The following SENP7 variants were observed in gnomAD, a reference collection of about 807,000 sequenced individuals.
SENP7 encodes sentrin-specific protease 7.
SENP7 carries 64 observed loss-of-function variants against 141.2 expected under a neutral mutation model. The observed-to-expected ratio is 0.45, with a 90% CI of 0.37 to 0.56. The LOEUF is 0.56. Among genes scored for constraint, SENP7 ranks in the 20% least tolerant of loss-of-function variants. The pLI, the probability that SENP7 is intolerant of heterozygous loss-of-function variation, is 0.00. For synonymous variants in SENP7, 382 were observed against 426.4 expected, an observed-to-expected ratio of 0.90 and a Z score of 1.28; for missense variants, 1,025 against 1,212.2, an observed-to-expected ratio of 0.85 and a Z score of 2.29.
chr3:101,347,968 T>G lies in SENP7; in HGVS notation c.1741A>C (p.Ser581Arg). 1.2e-6 allele frequency: 2 copies of G among 1,611,204 alleles called. No individual in the cohort carries two copies. Among genetic ancestry groups the G allele is most frequent in the Non-Finnish European group, 1.7e-6 (2 of 1,177,948 alleles). Residue 581 changes from serine to arginine, a missense_variant, in exon 13 of 24, where the codon AGT becomes CGT. Transcript: ENST00000394095. ...GLWKSKDDNH[S>R]KRSHAILFFW... ...AAAAGAATAGCATGACTCCTTTTAC[T>G]GTGATTATCATCCTTACTTTTCCAT...
At chr3:101,347,143 G>A (rs1417506774) in intron 13 of SENP7, among the ~76,000 whole-genome samples, 1 of 151,210 alleles carries the variant, frequency 6.6e-6, no homozygotes, top group Non-Finnish European at 1.5e-5. Context: ...GATCACATGA[G>A]CCCAGGAGTT....
chr3:101,503,566 A>G (rs1576548270), intron 1 of SENP7, among the ~76,000 whole-genome samples: 1 of 152,258 alleles, frequency 6.6e-6, no homozygotes. Context: ...GGCATGCTCA[A>G]AGGAAACCAG....
In SENP7 at chr3:101,358,020, T is replaced by C. The variant is rs760074576; in HGVS notation, c.1623+3695A>G. On this transcript the variant is annotated intron_variant, in intron 11 of 23. Coordinates refer to ENST00000394095, the MANE Select transcript of SENP7 (RefSeq NM_020654.5). ...ATTGGAGAGAAACCATACAAGTGTG[T>C]TAAATGTGGCAAAGCCTTCATTTCA... is the stretch of plus-strand genomic sequence containing the variant. 77 of 588,634 alleles carry C rather than the reference T, an allele frequency of 1.3e-4. 2 individuals carry two copies. The highest frequency in any genetic ancestry group is 2.0e-4 in the Non-Finnish European group (69 of 346,214). 36.5% of individuals were successfully genotyped at this position (588,634 alleles called of 1,614,324 possible).
At chr3:101,342,882 T>C (rs917099437) in intron 14 of SENP7, among the ~76,000 whole-genome samples, 2 of 152,116 alleles carry the variant, frequency 1.3e-5, no homozygotes, top group African/African-American at 4.8e-5. Context: ...GCCAAGATGG[T>C]CTCAATGTCT....
At chr3:101,447,854 G>C (rs1178715954) in intron 4 of SENP7, among the ~76,000 whole-genome samples, 11 of 151,836 alleles carry the variant, frequency 7.2e-5, no homozygotes, top group Admixed American at 7.2e-4. Context: ...AGTTGCAATA[G>C]CACATAGCAG....
At chr3:101,442,071 G>A (rs1379508421) in intron 4 of SENP7, among the ~76,000 whole-genome samples, 1 of 151,902 alleles carries the variant, frequency 6.6e-6, no homozygotes, top group African/African-American at 2.4e-5. Context: ...CCATAAAACT[G>A]AAAGAAACAA....
chr3:101,341,209 T>C (rs2059318028), intron 15 of SENP7, among the ~76,000 whole-genome samples: 2 of 152,160 alleles, frequency 1.3e-5, no homozygotes, highest in African/African-American at 2.4e-5. Flanking sequence ...CTTAGCACCA[T>C]GAGAAGACAT....
chr3:101,446,008 T>C (rs1005412025), intron 4 of SENP7, among the ~76,000 whole-genome samples: 1 of 152,172 alleles, frequency 6.6e-6, no homozygotes, highest in Admixed American at 6.5e-5. Context: ...CATATTGTAA[T>C]CCCCAATGTT....
intron 11 of SENP7, 25 bp from the exon 12 acceptor site, chr3:101,351,676 CAA>C (rs981485999): frequency 3.0e-6 from 4 of 1,323,630 alleles, no homozygotes; most frequent in Non-Finnish European, 3.9e-6. Context: ...AAAAAGCAAA[CAA>C]TGAGTTACCA....
At chr3:101,443,225 G>T (rs1420553687) in intron 4 of SENP7, among the ~76,000 whole-genome samples, 1 of 152,164 alleles carries the variant, frequency 6.6e-6, no homozygotes, top group African/African-American at 2.4e-5. Flanking sequence ...CCCATTGCTT[G>T]TTTTTGTTAG....
At position 101,360,729 on chromosome 3, in the gene SENP7, G is replaced by A. The variant is rs530127941; in HGVS notation, c.1623+986C>T. Among the ~76,000 whole-genome samples, 4 of 152,268 alleles carry A rather than the reference G, an allele frequency of 2.6e-5. No homozygotes were observed. The East Asian group carries it at 7.7e-4, about 29-fold the overall frequency. The stretch of plus-strand genomic sequence containing the variant: ...TGGAGAAGTTTATATAAGAATATAG[G>A]TAATTATAAAACACACAGAATAAAT... On this transcript the variant is annotated intron_variant, in intron 11 of 23. Transcript: ENST00000394095.
chr3:101,414,467 C>A (rs564543133), intron 5 of SENP7: 1 of 1,419,462 alleles, frequency 7.0e-7, no homozygotes, highest in Non-Finnish European at 9.9e-7. Flanking sequence ...CAGTGTACCA[C>A]GCAATGCAAC....
chr3:101,456,799 T>C (rs958173702), intron 4 of SENP7, among the ~76,000 whole-genome samples: 32 of 152,178 alleles, frequency 2.1e-4, no homozygotes, highest in African/African-American at 7.5e-4. Context: ...TTACTTTTAT[T>C]AGTTTTTTGT....
chr3:101,496,729 C>G (rs1418238682), intron 2 of SENP7, among the ~76,000 whole-genome samples: 1 of 152,116 alleles, frequency 6.6e-6, no homozygotes, highest in Non-Finnish European at 1.5e-5. Context: ...AAAAATGCAC[C>G]ACCATACCCA....
upstream of SENP7, chr3:101,513,212 G>GAAA (rs1254138448): frequency 6.9e-3 from 943 of 135,930 alleles, 252 homozygotes; most frequent in East Asian, 0.015. Context: ...GGAGGGGAAA[G>GAAA]GAAAAAAAAA....
At chr3:101,379,713 T>C (rs1301221556) in intron 6 of SENP7, among the ~76,000 whole-genome samples, 2 of 152,192 alleles carry the variant, frequency 1.3e-5, no homozygotes, top group South Asian at 2.1e-4. Context: ...GGAACCCTTG[T>C]GCACTGCTGG....
rs550348707 is a variant in SENP7 at position 101,390,252 on chromosome 3, G to C, written c.677+8609C>G. Among the ~76,000 whole-genome samples, 48 of 106,232 alleles carry C rather than the reference G, an allele frequency of 4.5e-4. No individual in the cohort carries two copies. The South Asian group carries it at 0.014, about 31-fold the overall frequency. 69.7% of individuals were successfully genotyped at this position (106,232 alleles called of 152,430 possible). ...AAAAAAAAAAAAAAAAACCCAGAAA[G>C]ACATGAACTGGCTGAATCCATTTTT... On this transcript the variant is annotated intron_variant, in intron 6 of 23. Coordinates refer to ENST00000394095, the MANE Select transcript of SENP7 (RefSeq NM_020654.5).
chr3:101,430,720 T>C lies in SENP7; in HGVS notation c.285-12930A>G, dbSNP rs546120203. On this transcript the variant is annotated intron_variant, in intron 4 of 23. Transcript: ENST00000394095. ...CTGCTCTGATCTATTTCTCGCCTTC[T>C]TCTAGCTTTTGAATTTGTTTGCTCT... is the stretch of plus-strand genomic sequence containing the variant. 2.0e-5 allele frequency among the ~76,000 whole-genome samples: 3 copies of C among 152,320 alleles called. No homozygotes were observed. The South Asian group carries it at 6.2e-4, about 32-fold the overall frequency.
intron 11 of SENP7, chr3:101,358,501 A>T (rs2059804565): frequency 6.7e-6 from 2 of 298,364 alleles, no homozygotes; most frequent in Non-Finnish European, 1.3e-5. Context: ...TGGAACATAA[A>T]CCCTACAAAT....
Sources: gnomAD v4.1 joint callset for allele counts (sites outside exome capture counted in the v4.1 genomes callset) on GRCh38, gnomAD v4.1.1 for gene constraint, MANE v1.5 for transcripts, NCBI Gene and HGNC (gene_info 2026-07-23, HGNC 2026-07-21) for gene names.